The following FAAH2 variants were observed in gnomAD, a reference collection of about 807,000 sequenced individuals.
FAAH2 encodes the protein fatty-acid amide hydrolase 2.
A neutral mutation model predicts 36.9 loss-of-function variants in FAAH2; 60 were observed. That is an observed-to-expected ratio of 1.63 (90% CI 1.32 to 2.02). The LOEUF (loss-of-function observed/expected upper bound fraction) is 2.02. Among genes scored for constraint, FAAH2 ranks in the 30% most tolerant of loss-of-function variants. The probability of loss-of-function intolerance (pLI) is 0.00; values close to 1 mark genes in which losing one functional copy is unlikely to be tolerated. For missense variants in FAAH2, 689 were observed against 397.5 expected (o/e 1.73, Z -6.23); for synonymous variants, 214 against 143.8 (o/e 1.49, Z -3.49).
At chrX:57,328,140 G>C (rs187356703) in intron 3 of FAAH2, among the ~76,000 whole-genome samples, 1 of 112,156 alleles carries the variant, frequency 8.9e-6, no homozygotes, top group East Asian at 2.8e-4. Context: ...AGCAGCAGAG[G>C]CTGCAAAACA....
At chrX:57,440,114 G>A (rs2056515901) in intron 8 of FAAH2, among the ~76,000 whole-genome samples, 1 of 111,411 alleles carries the variant, frequency 9.0e-6, no homozygotes, top group African/African-American at 3.3e-5. Flanking sequence ...TGAACTTAGA[G>A]TAGTTTTTTC....
the FAAH2 span, among the ~76,000 whole-genome samples, chrX:57,265,295 C>A: frequency 9.0e-6 from 1 of 111,502 alleles, no homozygotes. Flanking sequence ...CTGTACATAC[C>A]CCTAAGAAAG....
At chrX:57,260,407 C>T in the FAAH2 span, among the ~76,000 whole-genome samples, 1 of 111,856 alleles carries the variant, frequency 8.9e-6, no homozygotes, top group Admixed American at 9.5e-5. Flanking sequence ...ACATCAGCTA[C>T]AAAACTTAAC....
chrX:57,319,062 T>C (rs1366382800), intron 3 of FAAH2, among the ~76,000 whole-genome samples: 2 of 111,692 alleles, frequency 1.8e-5, no homozygotes, highest in Non-Finnish European at 3.8e-5. Context: ...ACAGCCAATA[T>C]CATACTAAAT....
At chrX:57,194,484 C>T in the FAAH2 span, among the ~76,000 whole-genome samples, 1 of 110,726 alleles carries the variant, frequency 9.0e-6, no homozygotes, top group South Asian at 3.8e-4. Context: ...TTAATTTATT[C>T]ATTTCAATTT....
intron 8 of FAAH2, among the ~76,000 whole-genome samples, chrX:57,443,521 C>G (rs2056608804): frequency 9.0e-6 from 1 of 111,697 alleles, no homozygotes; most frequent in Non-Finnish European, 1.9e-5. Context: ...GATCTTTTTT[C>G]AAGGTTTTTA....
chrX:57,420,056 C>A (rs779514883), intron 7 of FAAH2, among the ~76,000 whole-genome samples: 3 of 111,436 alleles, frequency 2.7e-5, no homozygotes, highest in Non-Finnish European at 5.6e-5. Flanking sequence ...TCTGAGGGCT[C>A]TGTTCTTTTC....
At chrX:57,353,333 A>G (rs1238995965) in intron 5 of FAAH2, among the ~76,000 whole-genome samples, 1 of 109,449 alleles carries the variant, frequency 9.1e-6, no homozygotes, top group African/African-American at 3.3e-5. Flanking sequence ...GGCAGCAATA[A>G]TATACATTGT....
chrX:57,408,228 G>C (rs1250891227), intron 7 of FAAH2, among the ~76,000 whole-genome samples: 1 of 110,578 alleles, frequency 9.0e-6, no homozygotes, highest in Non-Finnish European at 1.9e-5. Context: ...CAAATGCATT[G>C]AGTCTGTAGA....
the FAAH2 span, among the ~76,000 whole-genome samples, chrX:57,223,734 C>T: frequency 8.9e-6 from 1 of 111,807 alleles, no homozygotes; most frequent in Non-Finnish European, 1.9e-5. Context: ...AAAAGCATTC[C>T]CAACAACTTC....
intron 7 of FAAH2, among the ~76,000 whole-genome samples, chrX:57,384,388 A>T (rs2054951072): frequency 9.6e-6 from 1 of 104,118 alleles, no homozygotes; most frequent in South Asian, 4.6e-4. Flanking sequence ...TGAACAGGCA[A>T]CCTACAGAAT....
intron 10 of FAAH2, among the ~76,000 whole-genome samples, chrX:57,481,586 T>C (rs1221017242): frequency 2.7e-5 from 3 of 112,000 alleles, no homozygotes; most frequent in Non-Finnish European, 5.6e-5. Flanking sequence ...GAACAGCAAA[T>C]ATTGCTGCCT....
In FAAH2 at chrX:57,485,262, CA is replaced by C. The variant is rs1380211957; in HGVS notation, c.1424-3494del. On this transcript the variant is annotated intron_variant, in intron 10 of 10. Coordinates refer to ENST00000374900, the MANE Select transcript of FAAH2 (RefSeq NM_174912.4). ...TACTCTCTCCCTGGCCCAGAGGTGT[CA>C]GGGGCAAAGTTAGTGGCAGTGGTGG... 1.8e-4 allele frequency among the ~76,000 whole-genome samples: 20 copies of C among 111,367 alleles called. No homozygotes were observed. In the Admixed American group the frequency reaches 1.9e-3, roughly 11 times the overall value.
the FAAH2 span, among the ~76,000 whole-genome samples, chrX:57,215,110 CAA>C: frequency 3.8e-5 from 3 of 78,207 alleles, no homozygotes; most frequent in Non-Finnish European, 7.9e-5. Flanking sequence ...AACAAACTTA[CAA>C]AAAAAAAAAA....
At chrX:57,315,769 AAG>A (rs1478036713) in intron 3 of FAAH2, among the ~76,000 whole-genome samples, 1 of 111,560 alleles carries the variant, frequency 9.0e-6, no homozygotes, top group Non-Finnish European at 1.9e-5. Flanking sequence ...TCAAAATAAT[AAG>A]AGTCATCTAT....
At chrX:57,210,013 T>C in the FAAH2 span, among the ~76,000 whole-genome samples, 1 of 110,174 alleles carries the variant, frequency 9.1e-6, no homozygotes, top group Non-Finnish European at 1.9e-5. Context: ...TGCACAGAAA[T>C]GATCTCTGCA....
chrX:57,132,328 T>A, the FAAH2 span, among the ~76,000 whole-genome samples: 1 of 112,017 alleles, frequency 8.9e-6, no homozygotes, highest in Non-Finnish European at 1.9e-5. Context: ...ATAACAACCA[T>A]TTATCAGTGA....
At chrX:57,194,105 GTTC>G in the FAAH2 span, among the ~76,000 whole-genome samples, 8 of 111,413 alleles carry the variant, frequency 7.2e-5, no homozygotes, top group Non-Finnish European at 1.1e-4. Flanking sequence ...GGTTGTATTA[GTTC>G]TTCTTTAAAT....
chrX:57,202,662 C>A, the FAAH2 span, among the ~76,000 whole-genome samples: 1 of 111,692 alleles, frequency 9.0e-6, no homozygotes, highest in African/African-American at 3.3e-5. Flanking sequence ...ACACTTAAGG[C>A]CCACAGGCTC....
Sources: allele counts gnomAD v4.1 joint callset (sites outside exome capture counted in the v4.1 genomes callset), GRCh38; gene constraint gnomAD v4.1.1; transcripts MANE v1.5; gene names NCBI Gene and HGNC (gene_info 2026-07-23, HGNC 2026-07-21).